LRRC40: variants seen among roughly 807,000 people sequenced by gnomAD.
LRRC40 encodes leucine rich repeat containing 40.
A neutral mutation model predicts 72.8 loss-of-function variants in LRRC40; 76 were observed. That is an observed-to-expected ratio of 1.04 (90% CI 0.87 to 1.26). The LOEUF (loss-of-function observed/expected upper bound fraction) is 1.26. Among genes scored for constraint, LRRC40 ranks in the 50% most tolerant of loss-of-function variants. The probability of loss-of-function intolerance (pLI) is 0.00; values close to 1 mark genes in which losing one functional copy is unlikely to be tolerated. For missense variants in LRRC40, 684 were observed against 698.9 expected, an observed-to-expected ratio of 0.98 and a Z score of 0.24; for synonymous variants, 243 against 254.2, an observed-to-expected ratio of 0.96 and a Z score of 0.42.
At chr1:70,176,200 ATAAT>A (rs1364155489) in intron 6 of LRRC40, among the ~76,000 whole-genome samples, 1 of 152,228 alleles carries the variant, frequency 6.6e-6, no homozygotes, top group Non-Finnish European at 1.5e-5. Flanking sequence ...CAATTTAAAA[ATAAT>A]TAAACTTTGA....
chr1:70,173,444 T>C (rs377026890), intron 9 of LRRC40, 21 bp downstream of exon 9: 37 of 1,544,516 alleles, frequency 2.4e-5, no homozygotes, highest in Non-Finnish European at 1.2e-5. Context: ...CTTCAAAATA[T>C]AAGAGAACAT....
intron 1 of LRRC40, among the ~76,000 whole-genome samples, chr1:70,199,862 C>G (rs574748730): frequency 6.6e-6 from 1 of 152,096 alleles, no homozygotes; most frequent in Non-Finnish European, 1.5e-5. Flanking sequence ...TAAGGGTCAA[C>G]TGTATACCTA....
intron 1 of LRRC40, among the ~76,000 whole-genome samples, chr1:70,198,082 T>C (rs530813948): frequency 6.6e-6 from 1 of 152,252 alleles, no homozygotes; most frequent in African/African-American, 2.4e-5. Flanking sequence ...CTTTTTATTC[T>C]GTCCCAACAA....
At chr1:70,164,908 A>G (rs1409317251) in intron 9 of LRRC40, among the ~76,000 whole-genome samples, 1 of 152,232 alleles carries the variant, frequency 6.6e-6, no homozygotes, top group South Asian at 2.1e-4. Flanking sequence ...GTAAATAACT[A>G]TCAGGATTAT....
In LRRC40 at chr1:70,148,680, T is replaced by C; in HGVS notation, c.1518-8A>G. 6.4e-7 allele frequency: 1 copy of C among 1,572,288 alleles called. No individual in the cohort carries two copies. Among genetic ancestry groups the C allele is most frequent in the African/African-American group, 1.3e-5 (1 of 74,136 alleles). ...TCAGGTAGCATTTTAAACCTATTAA[T>C]ACATGAACAGAACACCTAAATATAC... On this transcript the variant is annotated splice_region_variant and splice_polypyrimidine_tract_variant and intron_variant, in intron 13 of 14. Transcript: ENST00000370952.
At chr1:70,154,468 C>G (rs925583008) in intron 11 of LRRC40, among the ~76,000 whole-genome samples, 2 of 152,124 alleles carry the variant, frequency 1.3e-5, no homozygotes, top group Non-Finnish European at 2.9e-5. Context: ...GCAAACTTGT[C>G]CTATCTGAGA....
intron 1 of LRRC40, among the ~76,000 whole-genome samples, chr1:70,195,428 TA>T (rs1490292220): frequency 6.7e-6 from 1 of 148,542 alleles, no homozygotes; most frequent in Non-Finnish European, 1.5e-5. Context: ...TATAAATGGC[TA>T]AAAGGCAGTA....
At position 70,192,994 on chromosome 1, in the gene LRRC40, A is replaced by T. The variant is rs150900633; in HGVS notation, c.152-3721T>A. 9.2e-3 allele frequency among the ~76,000 whole-genome samples: 1,400 copies of T among 152,234 alleles called. 62 individuals carry two copies. The highest frequency in any genetic ancestry group is 0.074 in the Admixed American group (1,134 of 15,288). ...TGTTTAAAAAAAAACAGTATAATGG[A>T]ATAAAACTCAATGTATCCATTGTCT... is the stretch of plus-strand genomic sequence containing the variant. On this transcript the variant is annotated intron_variant, in intron 1 of 14. Coordinates refer to ENST00000370952, the MANE Select transcript of LRRC40 (RefSeq NM_017768.5).
intron 1 of LRRC40, among the ~76,000 whole-genome samples, chr1:70,190,676 C>CCAAAAAA (rs1483272385): frequency 5.5e-5 from 1 of 18,148 alleles, no homozygotes. Flanking sequence ...GACCCTGTCT[C>CCAAAAAA]TAAAAAAAAA....
At position 70,152,556 on chromosome 1, in the gene LRRC40, T is replaced by A; in HGVS notation, c.1329-13A>T. On this transcript the variant is annotated splice_polypyrimidine_tract_variant and intron_variant, in intron 11 of 14. Coordinates refer to ENST00000370952, the MANE Select transcript of LRRC40 (RefSeq NM_017768.5). ...CAGTTCTACCATCCTGAAACAAAAA[T>A]AATTTTAAAATGTTAGCACTTGAAT... 7.0e-7 allele frequency: 1 copy of A among 1,419,010 alleles called. No homozygotes were observed. Among genetic ancestry groups the A allele is most frequent in the South Asian group, 1.2e-5 (1 of 85,642 alleles). 87.9% of individuals were successfully genotyped at this position (1,419,010 alleles called of 1,614,324 possible).
At chr1:70,169,763 A>G (rs1667961714) in intron 9 of LRRC40, among the ~76,000 whole-genome samples, 1 of 152,182 alleles carries the variant, frequency 6.6e-6, no homozygotes, top group Non-Finnish European at 1.5e-5. Flanking sequence ...GAGTATATCT[A>G]TAACACGTGA....
intron 11 of LRRC40, among the ~76,000 whole-genome samples, chr1:70,155,462 A>G (rs1667617179): frequency 6.6e-6 from 1 of 152,128 alleles, no homozygotes. Flanking sequence ...CATAAAAGAA[A>G]AAGAAACAAA....
chr1:70,173,679 C>A lies in LRRC40; in HGVS notation c.1008G>T (p.Leu336Phe). 6.4e-7 allele frequency: 1 copy of A among 1,566,250 alleles called. No individual in the cohort carries two copies. The highest frequency in any genetic ancestry group is 1.2e-5 in the South Asian group (1 of 86,344). ...SLPYSLGNLH[L>F]KFLALEGNPL... is the part of the protein sequence containing the mutation. ...GATTTCCTTCTAATGCCAAAAATTT[C>A]AAATGAAGGTTCCCCAATGAATAGG... Residue 336 changes from leucine to phenylalanine, a missense_variant, in exon 8 of 15, where the codon TTG (leucine) becomes TTT (phenylalanine). Transcript: ENST00000370952.
rs138941894 is a variant in LRRC40, at chr1:70,173,479, C to T, written c.1097G>A (p.Arg366Gln). The change falls in exon 9 of 15, where the codon CGA (arginine) becomes CAA (glutamine). Residue 366 changes from arginine to glutamine, a missense_variant. Coordinates refer to ENST00000370952, the MANE Select transcript of LRRC40 (RefSeq NM_017768.5). ...KGTQEVLKYLRSKIKDDGPSQ... is the reference protein window; with the variant it reads ...KGTQEVLKYLQSKIKDDGPSQ... ...TTTTAAAGTACCTTTGATCTTGCTT[C>T]GTAGATATTTTAGGACTTCTTGTGT... is the stretch of plus-strand genomic sequence containing the variant. The T allele has an allele frequency of 5.7e-4, 909 of 1,605,648 alleles. 1 individual carries two copies. Among genetic ancestry groups the T allele is most frequent in the East Asian group, 2.1e-3 (96 of 44,680 alleles).
chr1:70,203,967 T>C (rs1006176857), intron 1 of LRRC40, among the ~76,000 whole-genome samples: 3 of 152,256 alleles, frequency 2.0e-5, no homozygotes, highest in African/African-American at 7.2e-5. Flanking sequence ...TTCCCTCCTA[T>C]GAAATGCTGT....
At chr1:70,195,707 C>T (rs1668593355) in intron 1 of LRRC40, among the ~76,000 whole-genome samples, 1 of 152,190 alleles carries the variant, frequency 6.6e-6, no homozygotes. Flanking sequence ...AGTCCTGGCT[C>T]ACTGCAACCT....
intron 4 of LRRC40, among the ~76,000 whole-genome samples, chr1:70,181,710 T>C (rs189269404): frequency 2.0e-5 from 3 of 152,164 alleles, no homozygotes; most frequent in African/African-American, 7.2e-5. Context: ...AAATATTTTC[T>C]ATTGGTTCTT....
chr1:70,190,788 G>A (rs888691092), intron 1 of LRRC40, among the ~76,000 whole-genome samples: 4 of 150,178 alleles, frequency 2.7e-5, no homozygotes, highest in Non-Finnish European at 5.9e-5. Flanking sequence ...GTCTGATTAT[G>A]TATTCTCTGC....
chr1:70,191,947 T>C (rs1668509831), intron 1 of LRRC40, among the ~76,000 whole-genome samples: 1 of 152,172 alleles, frequency 6.6e-6, no homozygotes, highest in Non-Finnish European at 1.5e-5. Context: ...CCTTGGCTCT[T>C]TGGACTCTTT....
Sources: allele counts gnomAD v4.1 joint callset (sites outside exome capture counted in the v4.1 genomes callset), GRCh38; gene constraint gnomAD v4.1.1; transcripts MANE v1.5; gene names NCBI Gene and HGNC (gene_info 2026-07-23, HGNC 2026-07-21).